STARD8: variants seen among roughly 807,000 people sequenced by gnomAD.
STARD8 encodes stAR-related lipid transfer protein 8.
STARD8 carries 25 observed loss-of-function variants against 69.4 expected under a neutral mutation model. The observed-to-expected ratio is 0.36, with a 90% CI of 0.26 to 0.50. The LOEUF is 0.50. STARD8 is among the 20% of genes least tolerant of loss of function. STARD8 has a pLI of 0.96. For missense variants in STARD8, 921 were observed against 932.5 expected (o/e 0.99, Z 0.16); for synonymous variants, 389 against 374.6 (o/e 1.04, Z -0.45).
intron 4 of STARD8, 62 bp from the exon 5 acceptor site, chrX:68,716,306 G>A: frequency 9.2e-7 from 1 of 1,083,389 alleles, no homozygotes; most frequent in African/African-American, 1.8e-5. Flanking sequence ...GGTGCATCTT[G>A]GTAGGCTCTG....
intron 2 of STARD8, among the ~76,000 whole-genome samples, chrX:68,712,361 G>T (rs900930082): frequency 8.9e-6 from 1 of 112,801 alleles, no homozygotes; most frequent in East Asian, 2.8e-4. Context: ...CTGTTTGTTT[G>T]TCTGTAAAAT....
In STARD8 at chrX:68,718,387, G is replaced by GGCCCCA. The variant is rs772953494; in HGVS notation, c.1478_1483dup (p.Pro493_Ala494dup). The GGCCCCA allele has an allele frequency of 8.3e-7, 1 of 1,207,074 alleles. No homozygotes were observed. Among genetic ancestry groups the GGCCCCA allele is most frequent in the South Asian group, 1.8e-5 (1 of 56,362 alleles). On this transcript the variant is annotated inframe_insertion, in exon 6 of 15. Transcript: ENST00000374599. ...AGGCCCCGGCCCCAGCCCCGGCCCC[G>GGCCCCA]GCCCCAGCCCAGGACAGTGAGCAGG...
chrX:68,717,967 T>C lies in STARD8; in HGVS notation c.1053T>C (p.His351=), dbSNP rs1000326339. The C allele has an allele frequency of 1.8e-5, 22 of 1,208,565 alleles. No individual in the cohort carries two copies. Among genetic ancestry groups the C allele is most frequent in the Non-Finnish European group, 2.0e-5 (18 of 894,413 alleles). The change falls in exon 6 of 15, where the codon CAT becomes CAC. Residue 351 remains histidine (H), a synonymous_variant. Coordinates refer to ENST00000374599, the MANE Select transcript of STARD8 (RefSeq NM_001142503.3). ...RRGSCGSTGS[H]ASTYDNLPEL... is the part of the protein sequence containing the mutation. ...GCTCCTGTGGCTCAACGGGCAGCCATGCCAGCACGTATGACAACTTGCCTG... is the reference window on the plus strand; with the variant it reads ...GCTCCTGTGGCTCAACGGGCAGCCACGCCAGCACGTATGACAACTTGCCTG...
At chrX:68,707,538 T>G (rs746422944) in intron 2 of STARD8, among the ~76,000 whole-genome samples, 2 of 111,607 alleles carry the variant, frequency 1.8e-5, no homozygotes, top group Non-Finnish European at 3.8e-5. Flanking sequence ...CAAACAAAAA[T>G]GAACCCTATC....
chrX:68,721,994 T>C, intron 10 of STARD8, 53 bp from the exon 11 acceptor site: 1 of 1,089,360 alleles, frequency 9.2e-7, no homozygotes, highest in Non-Finnish European at 1.2e-6. Context: ...GTCTGCCATC[T>C]TGTCTTGTGC....
intron 13 of STARD8, 41 bp downstream of exon 13, chrX:68,723,884 C>A: frequency 4.2e-6 from 5 of 1,204,027 alleles, no homozygotes; most frequent in Non-Finnish European, 4.5e-6. Flanking sequence ...CTTGGGGGGC[C>A]GGAGAAGTGG....
chrX:68,677,545 C>A (rs967003150), intron 2 of STARD8, among the ~76,000 whole-genome samples: 4 of 111,358 alleles, frequency 3.6e-5, no homozygotes, highest in Non-Finnish European at 7.5e-5. Flanking sequence ...TCCCCAGAGT[C>A]GTGCTACACC....
rs749928281 is a variant in STARD8, at chrX:68,652,418, A to T, written c.45+4491A>T. 4.5e-5 allele frequency among the ~76,000 whole-genome samples: 5 copies of T among 111,445 alleles called. No homozygotes were observed. The East Asian group carries it at 1.1e-3, about 25-fold the overall frequency. ...AAGGCTGACACCCCAGAAGCCAGGG[A>T]TGGTGGGAAGGTGGCAAAAGGCCAG... is the stretch of plus-strand genomic sequence containing the variant. On this transcript the variant is annotated intron_variant, in intron 1 of 14. Coordinates refer to ENST00000374599, the MANE Select transcript of STARD8 (RefSeq NM_001142503.3).
chrX:68,707,818 C>G (rs1477061955), intron 2 of STARD8, among the ~76,000 whole-genome samples: 5 of 111,618 alleles, frequency 4.5e-5, no homozygotes, highest in Non-Finnish European at 9.4e-5. Context: ...CCGGGCAGCT[C>G]TCTTATAACC....
intron 12 of STARD8, 125 bp from the exon 13 acceptor site, chrX:68,723,501 C>A: frequency 1.7e-6 from 1 of 583,399 alleles, no homozygotes; most frequent in Non-Finnish European, 2.6e-6. Flanking sequence ...CCAGCGCTAG[C>A]AGAGGAGCTC....
Position 68,718,032 on chromosome X carries a change from CTGAAGA to C in STARD8, c.1128_1133del (p.Glu376_Asp377del). The C allele has an allele frequency of 2.5e-6, 3 of 1,210,790 alleles. No individual in the cohort carries two copies. Among genetic ancestry groups the C allele is most frequent in the Non-Finnish European group, 1.1e-6 (1 of 895,100 alleles). On this transcript the variant is annotated inframe_deletion, in exon 6 of 15. Coordinates refer to ENST00000374599, the MANE Select transcript of STARD8 (RefSeq NM_001142503.3). Reference sequence around the variant, plus strand: ...GAGCCTGTAATGGTTGGGGCTGAGGCTGAAGATGAAGATGATGAGGAGAGTGGGGGC... The same window carrying C: ...GAGCCTGTAATGGTTGGGGCTGAGGCTGAAGATGATGAGGAGAGTGGGGGC...
intron 1 of STARD8, among the ~76,000 whole-genome samples, chrX:68,652,009 A>G (rs1391449848): frequency 9.4e-6 from 1 of 106,210 alleles, no homozygotes; most frequent in Non-Finnish European, 1.9e-5. Flanking sequence ...CACCACGCCC[A>G]GCTAATTTTT....
At chrX:68,714,014 C>A (rs2080072573) in intron 3 of STARD8, among the ~76,000 whole-genome samples, 1 of 111,943 alleles carries the variant, frequency 8.9e-6, no homozygotes, top group Admixed American at 9.4e-5. Flanking sequence ...TCAGCAAGAC[C>A]TTTTTCCCTC....
chrX:68,670,732 A>G (rs1317401527), intron 2 of STARD8, among the ~76,000 whole-genome samples: 1 of 110,892 alleles, frequency 9.0e-6, no homozygotes, highest in Non-Finnish European at 1.9e-5. Context: ...AACACTAAAG[A>G]TCATAATTCT....
chrX:68,650,226 C>T (rs1467749158), intron 1 of STARD8, among the ~76,000 whole-genome samples: 2 of 110,409 alleles, frequency 1.8e-5, no homozygotes, highest in Admixed American at 1.9e-4. Context: ...GAGTTCCAGA[C>T]CAGCCTGGGC....
intron 2 of STARD8, among the ~76,000 whole-genome samples, chrX:68,705,608 G>C (rs928252668): frequency 1.8e-5 from 2 of 112,759 alleles, no homozygotes; most frequent in Non-Finnish European, 1.9e-5. Context: ...GGACATCCTG[G>C]GGGGAGGGTG....
At position 68,718,058 on chromosome X, in the gene STARD8, G is replaced by T. The variant is rs965910723; in HGVS notation, c.1144G>T (p.Gly382Trp). 2 of 1,211,265 alleles carry T rather than the reference G, an allele frequency of 1.7e-6. No homozygotes were observed. Among genetic ancestry groups the T allele is most frequent in the Admixed American group, 2.2e-5 (1 of 46,063 alleles). Reference sequence around the variant, plus strand: ...TGAAGATGAAGATGATGAGGAGAGTGGGGGCAGCTATGCTCACCTAGACGA... The same window carrying T: ...TGAAGATGAAGATGATGAGGAGAGTTGGGGCAGCTATGCTCACCTAGACGA... ...EAEDEDDEES[G>W]GSYAHLDDIL... The change falls in exon 6 of 15, where the codon GGG becomes TGG. Residue 382 changes from glycine to tryptophan, a missense_variant. Physicochemically the swap from Gly to Trp is radical, Grantham distance 184. Transcript: ENST00000374599.
chrX:68,665,619 G>C, intron 2 of STARD8, 87 bp downstream of exon 2: 2 of 1,008,363 alleles, frequency 2.0e-6, no homozygotes, highest in Non-Finnish European at 1.4e-6. Flanking sequence ...TCAGGTCCCT[G>C]GGCAGCAGAG....
chrX:68,693,594 C>T, intron 2 of STARD8: 1 of 734,835 alleles, frequency 1.4e-6, no homozygotes, highest in Non-Finnish European at 1.6e-6. Context: ...GGGAGGTGGG[C>T]GGGGCGTCCC....
Sources: gnomAD v4.1 joint callset for allele counts (sites outside exome capture counted in the v4.1 genomes callset) on GRCh38, gnomAD v4.1.1 for gene constraint, MANE v1.5 for transcripts, NCBI Gene and HGNC (gene_info 2026-07-23, HGNC 2026-07-21) for gene names.